The following GYS2 variants were observed in gnomAD, a reference collection of about 807,000 sequenced individuals.
GYS2 encodes the protein glycogen [starch] synthase, liver.
GYS2 carries 80 observed loss-of-function variants against 85.6 expected under a neutral mutation model. The ratio of observed to expected loss-of-function variants is 0.93; its 90% CI spans 0.78 to 1.13. The LOEUF is 1.13. Ranked by LOEUF, GYS2 falls within the 50% of genes most tolerant of loss-of-function variation. The pLI, the probability that GYS2 is intolerant of heterozygous loss-of-function variation, is 0.00. For missense variants in GYS2, 881 were observed against 854.9 expected (o/e 1.03, Z -0.38); for synonymous variants, 328 against 300.7 (o/e 1.09, Z -0.94).
At chr12:21,562,000 C>T (rs979162823) in intron 7 of GYS2, among the ~76,000 whole-genome samples, 1 of 152,116 alleles carries the variant, frequency 6.6e-6, no homozygotes, top group East Asian at 1.9e-4. Flanking sequence ...TGAATATTTT[C>T]CTATTACTTA....
intron 1 of GYS2, among the ~76,000 whole-genome samples, chr12:21,597,133 A>G (rs758440044): frequency 9.2e-5 from 14 of 152,108 alleles, no homozygotes; most frequent in Non-Finnish European, 1.5e-4. Flanking sequence ...AGACACTTCA[A>G]GACATGGCTT....
intron 13 of GYS2, among the ~76,000 whole-genome samples, chr12:21,541,322 G>T (rs1324288753): frequency 7.0e-6 from 1 of 143,752 alleles, no homozygotes; most frequent in East Asian, 2.1e-4. Context: ...CAATGTATTG[G>T]CAGACAATAT....
chr12:21,566,921 C>A (rs1944327644), intron 5 of GYS2, among the ~76,000 whole-genome samples: 1 of 151,754 alleles, frequency 6.6e-6, no homozygotes, highest in Non-Finnish European at 1.5e-5. Context: ...GAAAGCAGGA[C>A]CTAGAATAGA....
chr12:21,545,793 C>G (rs536421684), intron 12 of GYS2, among the ~76,000 whole-genome samples: 4 of 152,220 alleles, frequency 2.6e-5, no homozygotes, highest in Non-Finnish European at 4.4e-5. Flanking sequence ...GCTAATCTCT[C>G]TTAGTACCTT....
intron 1 of GYS2, among the ~76,000 whole-genome samples, chr12:21,597,458 T>A (rs748682058): frequency 2.0e-5 from 3 of 152,180 alleles, no homozygotes; most frequent in East Asian, 1.9e-4. Context: ...ACATTACTAA[T>A]CATCAGAGAA....
intron 5 of GYS2, among the ~76,000 whole-genome samples, chr12:21,565,636 A>C (rs1403144885): frequency 6.6e-6 from 1 of 150,774 alleles, no homozygotes; most frequent in African/African-American, 2.4e-5. Context: ...ATATAAATAC[A>C]TGTATTATTA....
chr12:21,585,979 T>C (rs894869370), intron 1 of GYS2, among the ~76,000 whole-genome samples: 9 of 152,288 alleles, frequency 5.9e-5, no homozygotes, highest in East Asian at 1.9e-4. Context: ...AGGGGATGTG[T>C]ATAGGCTCAA....
intron 14 of GYS2, 129 bp downstream of exon 14, chr12:21,540,281 A>G (rs1943956445): frequency 1.2e-6 from 1 of 865,412 alleles, no homozygotes; most frequent in African/African-American, 1.7e-5. Context: ...TTTAAAAAGT[A>G]CATGGAGACA....
chr12:21,577,915 T>G (rs1467473737), intron 2 of GYS2, among the ~76,000 whole-genome samples: 1 of 152,194 alleles, frequency 6.6e-6, no homozygotes, highest in Non-Finnish European at 1.5e-5. Context: ...TAAGGTTACT[T>G]TTTGACCTTA....
At chr12:21,560,596 A>G (rs1044819946) in intron 7 of GYS2, 104 bp from the exon 8 acceptor site, 10 of 730,440 alleles carry the variant, frequency 1.4e-5, no homozygotes, top group Non-Finnish European at 2.0e-5. Flanking sequence ...ATATCAGTAG[A>G]TAAAAGGTAT....
At chr12:21,599,984 A>G (rs1332433620) in intron 1 of GYS2, among the ~76,000 whole-genome samples, 2 of 152,206 alleles carry the variant, frequency 1.3e-5, no homozygotes, top group African/African-American at 4.8e-5. Flanking sequence ...ACTGAGGCAC[A>G]GAGATGCTAT....
intron 1 of GYS2, among the ~76,000 whole-genome samples, chr12:21,597,903 G>A (rs1237396516): frequency 6.6e-6 from 1 of 152,104 alleles, no homozygotes; most frequent in Non-Finnish European, 1.5e-5. Context: ...CAACATGGAT[G>A]AAACTGGAAG....
chr12:21,548,499 A>G (rs912118117), intron 11 of GYS2, among the ~76,000 whole-genome samples: 1 of 152,182 alleles, frequency 6.6e-6, no homozygotes, highest in African/African-American at 2.4e-5. Flanking sequence ...ATGAATTTTG[A>G]GAACTACCTT....
rs549078159 is a variant in GYS2 at position 21,536,622 on chromosome 12, G to A, written c.*332C>T. 8.6e-6 allele frequency: 3 copies of A among 348,288 alleles called. No individual in the cohort carries two copies. Among genetic ancestry groups the A allele is most frequent in the Non-Finnish European group, 1.6e-5 (3 of 184,922 alleles). 21.6% of individuals were successfully genotyped at this position (348,288 alleles called of 1,614,324 possible). A position where few individuals can be genotyped will look rare whatever the true frequency, so the allele number is the denominator to read the frequency against. Reference sequence around the variant, plus strand: ...GAAGCTGCATAAATAGTAAGCAAAGGATTATGATGATCATTTAAAAATAAA... The same window carrying A: ...GAAGCTGCATAAATAGTAAGCAAAGAATTATGATGATCATTTAAAAATAAA... On this transcript the variant is annotated 3_prime_UTR_variant, in exon 16 of 16. Transcript: ENST00000261195.
At chr12:21,590,192 G>A (rs535068758) in intron 1 of GYS2, among the ~76,000 whole-genome samples, 18 of 152,304 alleles carry the variant, frequency 1.2e-4, no homozygotes, top group African/African-American at 4.3e-4. Context: ...CAACAATGCA[G>A]TAGCTGCTAA....
downstream of GYS2, among the ~76,000 whole-genome samples, chr12:21,535,366 A>G (rs974846555): frequency 2.0e-5 from 3 of 152,108 alleles, no homozygotes; most frequent in African/African-American, 4.8e-5. Flanking sequence ...TCTTTCTGGT[A>G]CTTCAGGGAA....
At chr12:21,569,122 T>C in intron 4 of GYS2, 113 bp from the exon 5 acceptor site, 2 of 1,028,670 alleles carry the variant, frequency 1.9e-6, no homozygotes. Context: ...TAAAAATTTA[T>C]GACCACAAAA....
intron 11 of GYS2, among the ~76,000 whole-genome samples, chr12:21,549,726 T>C (rs992342570): frequency 1.3e-5 from 2 of 152,370 alleles, no homozygotes; most frequent in Non-Finnish European, 2.9e-5. Flanking sequence ...CTTTGGCAGA[T>C]ATATCACAGA....
intron 11 of GYS2, among the ~76,000 whole-genome samples, chr12:21,549,343 G>T (rs1239778087): frequency 2.0e-5 from 3 of 152,152 alleles, no homozygotes; most frequent in East Asian, 1.9e-4. Flanking sequence ...AATATGAAGA[G>T]AATTCATATA....
Sources: allele counts gnomAD v4.1 joint callset (sites outside exome capture counted in the v4.1 genomes callset), GRCh38; gene constraint gnomAD v4.1.1; transcripts MANE v1.5; gene names NCBI Gene and HGNC (gene_info 2026-07-23, HGNC 2026-07-21).